CLIP1: variants seen among roughly 807,000 people sequenced by gnomAD.
The protein encoded by CLIP1 is CAP-Gly domain containing linker protein 1.
A neutral mutation model predicts 161.6 loss-of-function variants in CLIP1; 66 were observed. The observed-to-expected ratio is 0.41, with a 90% CI of 0.33 to 0.50. The LOEUF is 0.50. Among genes scored for constraint, CLIP1 ranks in the 20% least tolerant of loss-of-function variants. The pLI, the probability that CLIP1 is intolerant of heterozygous loss-of-function variation, is 0.27. For synonymous variants in CLIP1, 598 were observed against 626.2 expected (o/e 0.96, Z 0.67); for missense variants, 1,376 against 1,702.0 (o/e 0.81, Z 3.37).
chr12:122,278,239 A>C, intron 23 of CLIP1, 36 bp from the exon 24 acceptor site: 3 of 1,444,310 alleles, frequency 2.1e-6, no homozygotes, highest in Non-Finnish European at 2.8e-6. Context: ...AAACAAGTGG[A>C]GGGAGAATAT....
chr12:122,355,165 C>T lies in CLIP1; in HGVS notation c.1153G>A (p.Val385Met), dbSNP rs759562298. 11 of 1,614,234 alleles carry T rather than the reference C, an allele frequency of 6.8e-6. No individual in the cohort carries two copies. The highest frequency in any genetic ancestry group is 1.7e-4 in the Middle Eastern group (1 of 6,060). ...RAEVAKATSH[V>M]GEIEQELALA... ...GCTAGCTCCTGCTCTATCTCCCCCACGTGGCTCGTGGCCTTGGCCACCTCC... is the reference window on the plus strand; with the variant it reads ...GCTAGCTCCTGCTCTATCTCCCCCATGTGGCTCGTGGCCTTGGCCACCTCC... The change falls in exon 6 of 26, where the codon GTG becomes ATG. Residue 385 changes from valine to methionine, a missense_variant. By Grantham distance (21) the Val-to-Met change is conservative. Around this residue, in one of 6 missense-constraint regions of CLIP1, gnomAD observed 211 missense variants for 295.1 expected, o/e 0.72. Transcript: ENST00000620786. This position sits in a 1 kb window ranked among gnomAD's most constrained non-coding sequence, Gnocchi z 4.1.
In CLIP1 at chr12:122,333,067, G is replaced by C; in HGVS notation, c.2787C>G (p.Asp929Glu). The change falls in exon 15 of 26, where the codon GAC (aspartate) becomes GAG (glutamate). Residue 929 changes from aspartate to glutamate, a missense_variant. Coordinates refer to ENST00000620786, the MANE Select transcript of CLIP1 (RefSeq NM_001247997.2). The stretch of plus-strand genomic sequence containing the variant: ...CTGACATCTTCATTATTTCTGCAAT[G>C]TCATTTTCCAGTTTTTCCTTTGCCT... ...LIKAKEKLENDIAEIMKMSGD... is the reference protein window; with the variant it reads ...LIKAKEKLENEIAEIMKMSGD... 1 of 1,613,552 alleles carries C rather than the reference G, an allele frequency of 6.2e-7. No individual in the cohort carries two copies.
Position 122,310,975 on chromosome 12 carries a change from C to A in CLIP1, c.3474-1093G>T, listed in dbSNP as rs58809321. Among the ~76,000 whole-genome samples, 1,322 of 152,292 alleles carry A rather than the reference C, an allele frequency of 8.7e-3. 5 individuals are homozygous for A. Among genetic ancestry groups the A allele is most frequent in the African/African-American group, 0.029 (1,196 of 41,550 alleles). ...AGGGAAATAAATCCACACAAAAATT[C>A]TCTTAGCACACTAAATTAGGCTTTT... On this transcript the variant is annotated intron_variant, in intron 19 of 25. Transcript: ENST00000620786.
chr12:122,330,597 GTTT>G lies in CLIP1; in HGVS notation c.2868-2174_2868-2172del, dbSNP rs71082966. On this transcript the variant is annotated intron_variant, in intron 15 of 25. Coordinates refer to ENST00000620786, the MANE Select transcript of CLIP1 (RefSeq NM_001247997.2). ...TTCAGCACTGAAGAAGTATAATGCAGTTTTTTTTTTTTTTTTTTTTGAGATGGA... is the reference window on the plus strand; with the variant it reads ...TTCAGCACTGAAGAAGTATAATGCAGTTTTTTTTTTTTTTTTTGAGATGGA... Among the ~76,000 whole-genome samples, 514 of 101,378 alleles carry G rather than the reference GTTT, an allele frequency of 5.1e-3. 9 individuals carry two copies. The highest frequency in any genetic ancestry group is 0.02 in the African/African-American group (465 of 22,780). 66.5% of individuals were successfully genotyped at this position (101,378 alleles called of 152,430 possible). A position where few individuals can be genotyped will look rare whatever the true frequency, so the allele number is the denominator to read the frequency against.
intron 1 of CLIP1, among the ~76,000 whole-genome samples, chr12:122,388,203 T>C (rs7961258): frequency 0.61 from 93,136 of 151,486 alleles, 29,000 homozygotes; most frequent in Non-Finnish European, 0.64. Flanking sequence ...TGAAACAAAC[T>C]CTGAGGGTAG....
chr12:122,320,485 T>A (rs1247277288), intron 17 of CLIP1, among the ~76,000 whole-genome samples: 1 of 151,672 alleles, frequency 6.6e-6, no homozygotes, highest in African/African-American at 2.4e-5. Context: ...CTCATGCCTG[T>A]AATCCTAGCA....
In CLIP1 at chr12:122,335,436, G is replaced by C. The variant is rs1324562202; in HGVS notation, c.2569-731C>G. On this transcript the variant is annotated intron_variant, in intron 12 of 25. Transcript: ENST00000620786. The stretch of plus-strand genomic sequence containing the variant: ...ATATACGGAAGGATACTCTAACTTA[G>C]GGGGAAAAAAAAAAAGGCAAGGCAT... Among the ~76,000 whole-genome samples the C allele has an allele frequency of 7.9e-5, 12 of 151,460 alleles. No homozygotes were observed. In the East Asian group the frequency reaches 2.3e-3, roughly 29 times the overall value.
At chr12:122,395,104 T>G (rs1490917777) in intron 1 of CLIP1, among the ~76,000 whole-genome samples, 2 of 152,196 alleles carry the variant, frequency 1.3e-5, no homozygotes, top group Non-Finnish European at 2.9e-5. Context: ...AACTGTTACT[T>G]TTTCACAGAA....
chr12:122,309,931 G>A lies in CLIP1; in HGVS notation c.3474-49C>T, dbSNP rs767066324. The A allele has an allele frequency of 3.7e-6, 6 of 1,606,624 alleles. No individual in the cohort carries two copies. In the East Asian group the frequency reaches 6.7e-5, roughly 18 times the overall value. On this transcript the variant is annotated intron_variant, in intron 19 of 25. Coordinates refer to ENST00000620786, the MANE Select transcript of CLIP1 (RefSeq NM_001247997.2). The stretch of plus-strand genomic sequence containing the variant: ...TTACCATAGAAACAAGACAGGCAAG[G>A]AAACTGTGGGAGACAACCAGCTTCA...
intron 18 of CLIP1, 65 bp downstream of exon 18, chr12:122,319,167 T>C (rs888929563): frequency 4.5e-6 from 5 of 1,114,986 alleles, no homozygotes; most frequent in Non-Finnish European, 6.9e-6. Flanking sequence ...CCTGAGTCAG[T>C]GACCAAACAT....
intron 3 of CLIP1, among the ~76,000 whole-genome samples, chr12:122,371,024 T>C (rs1455692723): frequency 6.6e-6 from 1 of 152,020 alleles, no homozygotes; most frequent in Non-Finnish European, 1.5e-5. Context: ...ATGCAGAATA[T>C]TTATTCACCA....
At position 122,271,841 on chromosome 12, in the gene CLIP1, T is replaced by TA. The variant is rs914201398; in HGVS notation, c.*1033dup. 9.8e-5 allele frequency: 15 copies of TA among 152,634 alleles called. No homozygotes were observed. The highest frequency in any genetic ancestry group is 3.3e-4 in the Admixed American group (5 of 15,276). The allele number at this position is 152,634 out of a possible 1,614,324, so 9.5% of individuals were successfully genotyped here. A position where few individuals can be genotyped will look rare whatever the true frequency, so the allele number is the denominator to read the frequency against. On this transcript the variant is annotated 3_prime_UTR_variant, in exon 26 of 26. Transcript: ENST00000620786. The stretch of plus-strand genomic sequence containing the variant: ...TCATCGTACATTCATCTAAAAACAG[T>TA]AAAAAAACTTGTGAAGGGAGATTGT...
At chr12:122,390,308 A>ATATATGTATG (rs1955598786) in intron 1 of CLIP1, among the ~76,000 whole-genome samples, 1 of 127,380 alleles carries the variant, frequency 7.9e-6, no homozygotes, top group African/African-American at 2.9e-5. Flanking sequence ...ATATATGTAT[A>ATATATGTATG]TATATATATA....
At chr12:122,276,784 C>A in intron 24 of CLIP1, 1 of 201,270 alleles carries the variant, frequency 5.0e-6, no homozygotes, top group Non-Finnish European at 1.0e-5. Flanking sequence ...AATAGTTTGC[C>A]TTTATATAAT....
chr12:122,401,818 G>A (rs1229742544), intron 1 of CLIP1, among the ~76,000 whole-genome samples: 1 of 151,714 alleles, frequency 6.6e-6, no homozygotes, highest in Non-Finnish European at 1.5e-5. Flanking sequence ...GACAGACATG[G>A]TGAAGCCAGT....
At chr12:122,277,011 G>A (rs1955456318) in intron 24 of CLIP1, 1 of 156,864 alleles carries the variant, frequency 6.4e-6, no homozygotes, top group African/African-American at 2.4e-5. Context: ...TCAGGCCTAA[G>A]TGCGGTGGCA....
At chr12:122,298,836 T>G (rs889957773) in intron 20 of CLIP1, among the ~76,000 whole-genome samples, 6 of 152,018 alleles carry the variant, frequency 3.9e-5, no homozygotes, top group African/African-American at 1.2e-4. Flanking sequence ...ACGCCAGTAG[T>G]CTCAGCTACT....
In CLIP1 at chr12:122,377,800, A is replaced by G; in HGVS notation, c.246T>C (p.Phe82=). The G allele has an allele frequency of 6.2e-7, 1 of 1,613,976 alleles. No homozygotes were observed. Among genetic ancestry groups the G allele is most frequent in the Admixed American group, 1.7e-5 (1 of 59,972 alleles). The change falls in exon 3 of 26, where the codon TTT becomes TTC. Residue 82 remains phenylalanine, a synonymous_variant. Coordinates refer to ENST00000620786, the MANE Select transcript of CLIP1 (RefSeq NM_001247997.2). ...CAATTCCAGCCCACTGGCCTGGTGC[A>G]AACTGGGTTTCTCCAAGAAACTGGA... The part of the protein sequence containing the change: ...GFIQFLGETQ[F]APGQWAGIVL...
chr12:122,301,656 A>C (rs1334241179), intron 20 of CLIP1, among the ~76,000 whole-genome samples: 3 of 152,228 alleles, frequency 2.0e-5, no homozygotes, highest in Non-Finnish European at 4.4e-5. Flanking sequence ...CCTGGGCGAC[A>C]GAATCAGACT....
Sources: gnomAD v4.1 joint callset for allele counts (sites outside exome capture counted in the v4.1 genomes callset) on GRCh38, gnomAD v4.1.1 for gene constraint, gnomAD v4.1.1 regional missense constraint, Gnocchi (gnomAD v3.1) non-coding constraint, MANE v1.5 for transcripts, NCBI Gene and HGNC (gene_info 2026-07-23, HGNC 2026-07-21) for gene names.